The following WDR24 variants were observed in gnomAD, a reference collection of about 807,000 sequenced individuals.
WDR24 encodes GATOR2 complex protein WDR24.
WDR24 carries 32 observed loss-of-function variants against 66.7 expected under a neutral mutation model. That is an observed-to-expected ratio of 0.48 (90% CI 0.36 to 0.64). The LOEUF (loss-of-function observed/expected upper bound fraction) is 0.64. Among genes scored for constraint, WDR24 ranks in the 30% least tolerant of loss-of-function variants. WDR24 has a pLI of 0.00. For missense variants in WDR24, 978 were observed against 1,144.1 expected, an observed-to-expected ratio of 0.85 and a Z score of 2.09; for synonymous variants, 565 against 469.1, an observed-to-expected ratio of 1.20 and a Z score of -2.64.
At position 684,844 on chromosome 16, in the gene WDR24, C is replaced by G; in HGVS notation, c.2263G>C (p.Val755Leu). ...VCHHVVKGLF[V>L]WCQGCSHGGH... ...CCGTGGCTGCAGCCCTGGCACCACA[C>G]GAAGAGACCCTTGACTACGTGGTGG... The change falls in exon 9 of 9, where the codon GTG (valine) becomes CTG (leucine). Residue 755 changes from valine to leucine, a missense_variant. By Grantham distance (32) the Val-to-Leu change is conservative. Coordinates refer to ENST00000293883, the MANE Select transcript of WDR24 (RefSeq NM_032259.4). 6 of 1,556,530 alleles carry G rather than the reference C, an allele frequency of 3.9e-6. No individual in the cohort carries two copies. Among genetic ancestry groups the G allele is most frequent in the Non-Finnish European group, 5.2e-6 (6 of 1,152,296 alleles).
In WDR24 at chr16:687,293, T is replaced by A; in HGVS notation, c.783A>T (p.Pro261=). The A allele has an allele frequency of 6.2e-7, 1 of 1,610,968 alleles. No homozygotes were observed. ...ACGTGGCCAGGTGGTGGCGGCACTCTGGCCGCCACTTCACACGGGCCACCG... is the reference window on the plus strand; with the variant it reads ...ACGTGGCCAGGTGGTGGCGGCACTCAGGCCGCCACTTCACACGGGCCACCG... ...IASVARVKWR[P]ECRHHLATCS... is the part of the protein sequence containing the mutation. The change falls in exon 3 of 9, where the codon CCA becomes CCT. Residue 261 remains proline (P), a synonymous_variant. Transcript: ENST00000293883.
Position 685,938 on chromosome 16 carries a change from G to C in WDR24, c.1504C>G (p.Arg502Gly), listed in dbSNP as rs149613346. 75 of 1,613,072 alleles carry C rather than the reference G, an allele frequency of 4.6e-5. No homozygotes were observed. The African/African-American group carries it at 6.5e-4, about 14-fold the overall frequency. ...TCGCTCCGTGCATCTCCTTTGCTGC[G>C]GTCCAGCCGCGTCTCACTGCCCAAC... ...PGLGSETRLD[R>G]SKGDARSDTV... The change falls in exon 5 of 9, where the codon CGC becomes GGC. Residue 502 changes from arginine to glycine, a missense_variant. This residue lies in a region of WDR24 where 676 missense variants were observed against 617.5 expected (regional missense o/e 1.09). Transcript: ENST00000293883.
chr16:686,838 A>G lies in WDR24; in HGVS notation c.1238T>C (p.Val413Ala). 6.2e-7 allele frequency: 1 copy of G among 1,611,984 alleles called. No individual in the cohort carries two copies. The highest frequency in any genetic ancestry group is 8.5e-7 in the Non-Finnish European group (1 of 1,179,880). Residue 413 changes from valine to alanine, a missense_variant, in exon 3 of 9, where the codon GTG (valine) becomes GCG (alanine). Around this residue, in one of 2 missense-constraint regions of WDR24, gnomAD observed 676 missense variants for 617.5 expected, o/e 1.09. Transcript: ENST00000293883. ...CAGCGCATAACGCTCAGCTGTGTCCACAAACCAGCGCATGCCGCCGCCACC... is the reference window on the plus strand; with the variant it reads ...CAGCGCATAACGCTCAGCTGTGTCCGCAAACCAGCGCATGCCGCCGCCACC... Reference protein sequence around the residue: ...EPGGGGMRWFVDTAERYALAG... With the variant: ...EPGGGGMRWFADTAERYALAG...
Position 685,342 on chromosome 16 carries a change from G to A in WDR24, c.1934C>T (p.Ala645Val). 1 of 1,610,468 alleles carries A rather than the reference G, an allele frequency of 6.2e-7. No homozygotes were observed. Among genetic ancestry groups the A allele is most frequent in the Non-Finnish European group, 8.5e-7 (1 of 1,179,822 alleles). ...AGCCATCTGCACGTCGCCCTGCTCA[G>A]CGTAGAAGTGCAGCATGTCGCGCAC... ...VLVRDMLHFY[A>V]EQGDVQMAVS... The change falls in exon 7 of 9, where the codon GCT becomes GTT. Residue 645 changes from alanine to valine, a missense_variant. Around this residue, in one of 2 missense-constraint regions of WDR24, gnomAD observed 676 missense variants for 617.5 expected, o/e 1.09. Transcript: ENST00000293883.
Position 687,358 on chromosome 16 carries a change from G to A in WDR24, c.718C>T (p.His240Tyr), listed in dbSNP as rs759299694. The A allele has an allele frequency of 3.1e-6, 5 of 1,601,524 alleles. No individual in the cohort carries two copies. The highest frequency in any genetic ancestry group is 1.6e-4 in the Middle Eastern group (1 of 6,066). ...ACACAGTGCATCTCCTTGGCACGGT[G>A]CGTGGTCATGTCCCAGACCTTCACC... ...KMVKVWDMTT[H>Y]RAKEMHCVQT... The change falls in exon 3 of 9, where the codon CAC (histidine) becomes TAC (tyrosine). Residue 240 changes from histidine (H) to tyrosine (Y), a missense_variant. His to Tyr is a moderately conservative substitution (Grantham distance 83). Transcript: ENST00000293883.
chr16:686,388 C>T (rs1426100051), intron 3 of WDR24, among the ~76,000 whole-genome samples: 1 of 152,196 alleles, frequency 6.6e-6, no homozygotes, highest in Non-Finnish European at 1.5e-5. Context: ...CAGAGGAAAA[C>T]AGAATTGGGC....
Position 690,223 on chromosome 16 carries a change from G to A in WDR24, c.-583C>T. On this transcript the variant is annotated 5_prime_UTR_variant, in exon 1 of 9. Coordinates refer to ENST00000293883, the MANE Select transcript of WDR24 (RefSeq NM_032259.4). The stretch of plus-strand genomic sequence containing the variant: ...CTCGAGGTGTCTGGCGGGACCGGAG[G>A]CAGGAGAGAAGCCGGCGACCCCGGA... The A allele has an allele frequency of 2.5e-6, 1 of 393,546 alleles. No individual in the cohort carries two copies. The highest frequency in any genetic ancestry group is 5.1e-6 in the Non-Finnish European group (1 of 197,380). The allele number at this position is 393,546 out of a possible 1,614,324, so 24.4% of individuals were successfully genotyped here.
intron 1 of WDR24, among the ~76,000 whole-genome samples, chr16:688,435 G>T (rs181246307): frequency 9.5e-4 from 145 of 152,356 alleles, no homozygotes; most frequent in African/African-American, 3.4e-3. Context: ...TTACAGGCGC[G>T]TGCCACTGCG....
In WDR24 at chr16:686,070, G is replaced by A; in HGVS notation, c.1449C>T (p.Asn483=). 6.2e-7 allele frequency: 1 copy of A among 1,612,950 alleles called. No homozygotes were observed. The highest frequency in any genetic ancestry group is 8.5e-7 in the Non-Finnish European group (1 of 1,179,942). The change falls in exon 4 of 9, where the codon AAC becomes AAT. Residue 483 remains asparagine, a splice_region_variant and synonymous_variant. Transcript: ENST00000293883. ...KGGSCGLPLM[N]SFNLKDMAPG... is the part of the protein sequence containing the mutation. ...GGAGAGCTGCCCCCGGCATCTACCT[G>A]TTCATGAGCGGGAGGCCACAGGAGC...
Position 689,238 on chromosome 16 carries a change from C to G in WDR24, c.403G>C (p.Val135Leu). 1.2e-6 allele frequency: 2 copies of G among 1,614,022 alleles called. No individual in the cohort carries two copies. Among genetic ancestry groups the G allele is most frequent in the Non-Finnish European group, 1.7e-6 (2 of 1,180,032 alleles). ...KVCFHPTEAH[V>L]LLSGSQDGFM... ...CCATCCTGGGAGCCACTGAGCAGCA[C>G]GTGGGCTTCGGTGGGGTGGAAGCAG... is the stretch of plus-strand genomic sequence containing the variant. The change falls in exon 1 of 9, where the codon GTG (valine) becomes CTG (leucine). Residue 135 changes from valine (V) to leucine (L), a missense_variant. Physicochemically the swap from Val to Leu is conservative, Grantham distance 32. Around this residue, in one of 2 missense-constraint regions of WDR24, gnomAD observed 302 missense variants for 526.6 expected, o/e 0.57. Transcript: ENST00000293883.
intron 1 of WDR24, chr16:688,228 A>G (rs762999103): frequency 5.5e-6 from 2 of 366,212 alleles, no homozygotes; most frequent in Non-Finnish European, 1.1e-5. Context: ...GGGGACCACC[A>G]CACCAAGAAA....
chr16:688,544 G>A (rs754282134), intron 1 of WDR24, among the ~76,000 whole-genome samples: 35 of 152,244 alleles, frequency 2.3e-4, no homozygotes, highest in Non-Finnish European at 4.0e-4. Context: ...GGCCTGCCTC[G>A]GCCTCCCAAA....
At chr16:687,950 G>C in intron 1 of WDR24, 1 of 707,024 alleles carries the variant, frequency 1.4e-6, no homozygotes, top group Non-Finnish European at 2.6e-6. Flanking sequence ...CACGTGATTT[G>C]TAACACATAC....
In WDR24 at chr16:686,121, G is replaced by A. The variant is rs1159524492; in HGVS notation, c.1398C>T (p.Asn466=). ...YCSPGLVPTA[N]LNHSVGKGGS... ...CACCCTTGCCCACACTGTGGTTGAG[G>A]TTTGCAGTGGGCACTAGGCCAGGGC... Residue 466 remains asparagine (N), a synonymous_variant, in exon 4 of 9, where the codon AAC becomes AAT. Coordinates refer to ENST00000293883, the MANE Select transcript of WDR24 (RefSeq NM_032259.4). The A allele has an allele frequency of 1.2e-6, 2 of 1,613,138 alleles. No individual in the cohort carries two copies. The highest frequency in any genetic ancestry group is 8.5e-7 in the Non-Finnish European group (1 of 1,179,982).
Position 687,411 on chromosome 16 carries a change from C to G in WDR24, c.665G>C (p.Trp222Ser). The change falls in exon 3 of 9, where the codon TGG (tryptophan) becomes TCG (serine). Residue 222 changes from tryptophan (W) to serine (S), a missense_variant. Around this residue, in one of 2 missense-constraint regions of WDR24, gnomAD observed 302 missense variants for 526.6 expected, o/e 0.57. Coordinates refer to ENST00000293883, the MANE Select transcript of WDR24 (RefSeq NM_032259.4). Reference sequence around the variant, plus strand: ...CTTGTCGCGCCCTCCAGTGGCCAACCAGCCCCTGTGGGAAGAAGGTCCACC... The same window carrying G: ...CTTGTCGCGCCCTCCAGTGGCCAACGAGCCCCTGTGGGAAGAAGGTCCACC... ...CCDWHPEDRG[W>S]LATGGRDKMV... 6.3e-7 allele frequency: 1 copy of G among 1,586,170 alleles called. No individual in the cohort carries two copies. Among genetic ancestry groups the G allele is most frequent in the Non-Finnish European group, 8.6e-7 (1 of 1,165,630 alleles).
Position 690,078 on chromosome 16 carries a change from G to C in WDR24, c.-438C>G. 4.3e-6 allele frequency: 2 copies of C among 465,240 alleles called. No homozygotes were observed. Among genetic ancestry groups the C allele is most frequent in the South Asian group, 3.1e-5 (2 of 64,646 alleles). The allele number at this position is 465,240 out of a possible 1,614,324, so 28.8% of individuals were successfully genotyped here. On this transcript the variant is annotated 5_prime_UTR_variant, in exon 1 of 9. Coordinates refer to ENST00000293883, the MANE Select transcript of WDR24 (RefSeq NM_032259.4). ...GTCCACACTGTCAGCCCTGAGGGCG[G>C]CGGGGCTCTAGGGAGGAACAAAAGA...
In WDR24 at chr16:685,736, C is replaced by G; in HGVS notation, c.1621G>C (p.Gly541Arg). 6.2e-7 allele frequency: 1 copy of G among 1,613,324 alleles called. No homozygotes were observed. The highest frequency in any genetic ancestry group is 2.2e-5 in the East Asian group (1 of 44,880). Residue 541 changes from glycine to arginine, a missense_variant, in exon 6 of 9, where the codon GGT becomes CGT. Transcript: ENST00000293883. ...GSDVPADYLL[G>R]DVEGEEDELY... The stretch of plus-strand genomic sequence containing the variant: ...TCGTCCTCCTCACCTTCCACGTCAC[C>G]CAGCAGGTAGTCGGCAGGTACGTCG...
Position 685,970 on chromosome 16 carries a change from G to A in WDR24, c.1472C>T (p.Ala491Val). 3.1e-6 allele frequency: 5 copies of A among 1,613,108 alleles called. No homozygotes were observed. The highest frequency in any genetic ancestry group is 1.7e-5 in the Admixed American group (1 of 60,028). Residue 491 changes from alanine to valine, a missense_variant, in exon 5 of 9, where the codon GCC becomes GTC. By Grantham distance (64) the Ala-to-Val change is moderately conservative. Around this residue, in one of 2 missense-constraint regions of WDR24, gnomAD observed 676 missense variants for 617.5 expected, o/e 1.09. Transcript: ENST00000293883. Reference protein sequence around the residue: ...LMNSFNLKDMAPGLGSETRLD... With the variant: ...LMNSFNLKDMVPGLGSETRLD... The stretch of plus-strand genomic sequence containing the variant: ...CCGCGTCTCACTGCCCAACCCTGGG[G>A]CCATATCCTTCAGGTTGAAACTGGG...
Position 689,552 on chromosome 16 carries a change from T to TTGGC in WDR24, c.85_88dup (p.Asn30SerfsTer19). 6.2e-7 allele frequency: 1 copy of TTGGC among 1,613,114 alleles called. No individual in the cohort carries two copies. Among genetic ancestry groups the TTGGC allele is most frequent in the South Asian group, 1.1e-5 (1 of 91,088 alleles). ...TGCGTCGCGGCACACACTGATGGCA[T>TTGGC]TGGCGGGAGCATCCAGGTGGCAGTG... is the stretch of plus-strand genomic sequence containing the variant. On this transcript the variant is annotated frameshift_variant, in exon 1 of 9. Coordinates refer to ENST00000293883, the MANE Select transcript of WDR24 (RefSeq NM_032259.4). LOFTEE classifies it high-confidence loss of function.
Sources: gnomAD v4.1 joint callset for allele counts (sites outside exome capture counted in the v4.1 genomes callset) on GRCh38, gnomAD v4.1.1 for gene constraint, gnomAD v4.1.1 regional missense constraint, MANE v1.5 for transcripts, NCBI Gene and HGNC (gene_info 2026-07-23, HGNC 2026-07-21) for gene names.